DSTYK: variants seen among roughly 807,000 people sequenced by gnomAD.
The protein encoded by DSTYK is dual serine/threonine and tyrosine protein kinase.
A neutral mutation model predicts 98.7 loss-of-function variants in DSTYK; 34 were observed. That is an observed-to-expected ratio of 0.34 (90% CI 0.26 to 0.46). DSTYK has a LOEUF of 0.46. Ranked by LOEUF, DSTYK falls within the 20% of genes least tolerant of loss-of-function variation. The pLI, the probability that DSTYK is intolerant of heterozygous loss-of-function variation, is 1.00. For synonymous variants in DSTYK, 462 were observed against 457.3 expected (o/e 1.01, Z -0.13); for missense variants, 962 against 1,181.7 (o/e 0.81, Z 2.73).
Position 205,159,662 on chromosome 1 carries a change from T to C in DSTYK, c.2123A>G (p.Glu708Gly), listed in dbSNP as rs1657661385. The C allele has an allele frequency of 6.2e-7, 1 of 1,613,516 alleles. No individual in the cohort carries two copies. The highest frequency in any genetic ancestry group is 8.5e-7 in the Non-Finnish European group (1 of 1,179,980). Residue 708 changes from glutamate to glycine, a missense_variant, in exon 9 of 13, where the codon GAG (glutamate) becomes GGG (glycine). Coordinates refer to ENST00000367162, the MANE Select transcript of DSTYK (RefSeq NM_015375.3). ...TGAACCATGGAGATCCACCAATCGCTCATGCTTCGGCAGAGACCTGGAGGG... is the reference window on the plus strand; with the variant it reads ...TGAACCATGGAGATCCACCAATCGCCCATGCTTCGGCAGAGACCTGGAGGG... ...FHYMRSLPKH[E>G]RLVDLHGSVI...
chr1:205,183,386 G>A (rs1174536951), intron 2 of DSTYK, among the ~76,000 whole-genome samples: 2 of 152,182 alleles, frequency 1.3e-5, no homozygotes, highest in Non-Finnish European at 2.9e-5. Context: ...GAGAATCTCA[G>A]GGGATCCAGA....
In DSTYK at chr1:205,147,643, A is replaced by G. The variant is rs1369116923; in HGVS notation, c.2705T>C (p.Val902Ala). The G allele has an allele frequency of 6.2e-7, 1 of 1,614,182 alleles. No individual in the cohort carries two copies. The highest frequency in any genetic ancestry group is 8.5e-7 in the Non-Finnish European group (1 of 1,180,016). The change falls in exon 13 of 13, where the codon GTC becomes GCC. Residue 902 changes from valine to alanine, a missense_variant. Val to Ala is a moderately conservative substitution (Grantham distance 64). This residue lies in a region of DSTYK where 65 missense variants were observed against 63.9 expected (regional missense o/e 1.02). Transcript: ENST00000367162. ...CATGATGCCCTGGAGCATGGGCTGG[A>G]CAATGCCCAAGAGAGGCCTCTTCAA... ...DPLKRPLLGIVQPMLQGIMNR... is the reference protein window; with the variant it reads ...DPLKRPLLGIAQPMLQGIMNR...
At chr1:205,202,168 G>A (rs532126698) in intron 1 of DSTYK, 27 of 548,776 alleles carry the variant, frequency 4.9e-5, no homozygotes, top group African/African-American at 3.2e-4. Flanking sequence ...CTTCCCCTAC[G>A]TGGCCTGAGG....
chr1:205,188,588 A>T (rs371519973), intron 1 of DSTYK, among the ~76,000 whole-genome samples: 3 of 152,236 alleles, frequency 2.0e-5, no homozygotes, highest in African/African-American at 7.2e-5. Flanking sequence ...CATGCAGCAC[A>T]TAATATAGCA....
chr1:205,210,277 C>CTAGA, intron 1 of DSTYK, among the ~76,000 whole-genome samples: 1 of 152,104 alleles, frequency 6.6e-6, no homozygotes, highest in East Asian at 1.9e-4. Context: ...AATTTATGAG[C>CTAGA]TAGAGCACGA....
intron 2 of DSTYK, among the ~76,000 whole-genome samples, chr1:205,181,808 T>C (rs1289706985): frequency 6.6e-6 from 1 of 151,810 alleles, no homozygotes; most frequent in African/African-American, 2.4e-5. Context: ...CTGCCTCCTA[T>C]GTAGCTTGGA....
At chr1:205,182,664 G>C (rs925575846) in intron 2 of DSTYK, among the ~76,000 whole-genome samples, 3 of 151,936 alleles carry the variant, frequency 2.0e-5, no homozygotes, top group African/African-American at 7.3e-5. Context: ...AAATTAGCCA[G>C]GCATGGTGGC....
In DSTYK at chr1:205,211,448, C is replaced by A. The variant is rs1288803891; in HGVS notation, c.88G>T (p.Gly30Cys). The change falls in exon 1 of 13, where the codon GGC (glycine) becomes TGC (cysteine). Residue 30 changes from glycine (G) to cysteine (C), a missense_variant. This residue lies in a region of DSTYK where 168 missense variants were observed against 120.0 expected (regional missense o/e 1.40). Transcript: ENST00000367162. Reference sequence around the variant, plus strand: ...AGGTAGCGGCGGTAGCGGCCGAAGCCCCGGCACAGCTCGCGGATCATTCCG... The same window carrying A: ...AGGTAGCGGCGGTAGCGGCCGAAGCACCGGCACAGCTCGCGGATCATTCCG... ...GGGMIRELCR[G>C]FGRYRRYLGR... 1.9e-6 allele frequency: 3 copies of A among 1,600,774 alleles called. No homozygotes were observed. The highest frequency in any genetic ancestry group is 4.5e-5 in the East Asian group (2 of 44,536).
intron 1 of DSTYK, among the ~76,000 whole-genome samples, chr1:205,189,435 G>A (rs1442211474): frequency 6.6e-6 from 1 of 152,200 alleles, no homozygotes; most frequent in Admixed American, 6.5e-5. Context: ...CTGCAAAAGG[G>A]CCAATCCTTG....
rs780920613 is a variant in DSTYK at position 205,169,841 on chromosome 1, G to C, written c.655-9C>G. Reference sequence around the variant, plus strand: ...ACCACAACGTCCACTTCCTGGAAGGGGAAGGGGGTCATATATCAGCGCCTC... The same window carrying C: ...ACCACAACGTCCACTTCCTGGAAGGCGAAGGGGGTCATATATCAGCGCCTC... On this transcript the variant is annotated splice_polypyrimidine_tract_variant and intron_variant, in intron 2 of 12. Coordinates refer to ENST00000367162, the MANE Select transcript of DSTYK (RefSeq NM_015375.3). The surrounding 1 kb of genome is among the most constrained non-coding windows in gnomAD (Gnocchi z 4.0). The C allele has an allele frequency of 6.9e-6, 11 of 1,603,362 alleles. No individual in the cohort carries two copies. Among genetic ancestry groups the C allele is most frequent in the Non-Finnish European group, 9.4e-6 (11 of 1,175,054 alleles).
intron 2 of DSTYK, 67 bp downstream of exon 2, chr1:205,187,350 AG>A: frequency 3.3e-6 from 5 of 1,494,760 alleles, no homozygotes; most frequent in Middle Eastern, 1.8e-4. Context: ...TTACTTTTTT[AG>A]AAAGTCAAAA....
At chr1:205,182,478 T>C (rs1436187214) in intron 2 of DSTYK, among the ~76,000 whole-genome samples, 2 of 133,350 alleles carry the variant, frequency 1.5e-5, no homozygotes, top group African/African-American at 5.5e-5. Context: ...ACTACTCCCA[T>C]TGGTTAGAGT....
In DSTYK at chr1:205,204,343, C is replaced by T. The variant is rs142904608; in HGVS notation, c.265+6928G>A. ...GAATTGGACTGGGAGCCTAGAGACT[C>T]GGGCCTAAATCTGCCTCTAGCTCAA... On this transcript the variant is annotated intron_variant, in intron 1 of 12. Coordinates refer to ENST00000367162, the MANE Select transcript of DSTYK (RefSeq NM_015375.3). Among the ~76,000 whole-genome samples, 31 of 152,172 alleles carry T rather than the reference C, an allele frequency of 2.0e-4. No individual in the cohort carries two copies. The East Asian group carries it at 5.4e-3, about 27-fold the overall frequency.
intron 10 of DSTYK, 145 bp downstream of exon 10, chr1:205,157,128 T>G: frequency 1.5e-6 from 1 of 646,102 alleles, no homozygotes; most frequent in Non-Finnish European, 2.7e-6. Flanking sequence ...CAGTCTTAGG[T>G]ATGTCTTTAC....
chr1:205,204,074 G>T (rs987957190), intron 1 of DSTYK, among the ~76,000 whole-genome samples: 2 of 152,208 alleles, frequency 1.3e-5, no homozygotes, highest in African/African-American at 4.8e-5. Flanking sequence ...GAGATAGCAA[G>T]ATCAGCAACA....
intron 10 of DSTYK, among the ~76,000 whole-genome samples, chr1:205,151,372 A>C (rs142862182): frequency 2.6e-4 from 40 of 152,282 alleles, no homozygotes; most frequent in African/African-American, 8.9e-4. Flanking sequence ...TTACTTTATA[A>C]ACTTTTTAAT....
At chr1:205,182,806 CAAA>C (rs58571717) in intron 2 of DSTYK, among the ~76,000 whole-genome samples, 1 of 107,392 alleles carries the variant, frequency 9.3e-6, no homozygotes, top group Non-Finnish European at 2.0e-5. Flanking sequence ...GACTCCGTCT[CAAA>C]AAAAAAAAAA....
At chr1:205,158,362 C>T (rs753177468) in intron 9 of DSTYK, among the ~76,000 whole-genome samples, 19 of 152,030 alleles carry the variant, frequency 1.2e-4, no homozygotes, top group Non-Finnish European at 2.4e-4. Flanking sequence ...GGGATCTACT[C>T]GGAGACTCTG....
intron 1 of DSTYK, among the ~76,000 whole-genome samples, chr1:205,199,752 G>T (rs1246339196): frequency 6.6e-6 from 1 of 152,156 alleles, no homozygotes; most frequent in African/African-American, 2.4e-5. Flanking sequence ...CATGTAGGAA[G>T]CAAACCCCGT....
Sources: gnomAD v4.1 joint callset for allele counts (sites outside exome capture counted in the v4.1 genomes callset) on GRCh38, gnomAD v4.1.1 for gene constraint, gnomAD v4.1.1 regional missense constraint, Gnocchi (gnomAD v3.1) non-coding constraint, MANE v1.5 for transcripts, NCBI Gene and HGNC (gene_info 2026-07-23, HGNC 2026-07-21) for gene names.